Variants in MIS18BP1 observed in about 807,000 individuals in gnomAD.
MIS18BP1 encodes the protein MIS18 binding protein 1, also known as mis18-binding protein 1.
A neutral mutation model predicts 116.1 loss-of-function variants in MIS18BP1; 72 were observed. The observed-to-expected ratio is 0.62, with a 90% CI of 0.51 to 0.75. The LOEUF (loss-of-function observed/expected upper bound fraction) is 0.75, where lower values mean the gene tolerates loss of function less well. MIS18BP1 is among the 30% of genes least tolerant of loss of function. The probability of loss-of-function intolerance (pLI) is 0.00; values close to 1 mark genes in which losing one functional copy is unlikely to be tolerated. For synonymous variants in MIS18BP1, 386 were observed against 427.0 expected (o/e 0.90, Z 1.18); for missense variants, 1,363 against 1,303.2 (o/e 1.05, Z -0.71).
At chr14:45,219,339 A>C (rs1450250294) in intron 11 of MIS18BP1, among the ~76,000 whole-genome samples, 2 of 152,232 alleles carry the variant, frequency 1.3e-5, no homozygotes, top group Non-Finnish European at 2.9e-5. Context: ...GTCCTGATTT[A>C]TAAAGTCTGA....
intron 6 of MIS18BP1, among the ~76,000 whole-genome samples, chr14:45,235,544 C>T (rs1316788481): frequency 6.9e-6 from 1 of 144,874 alleles, no homozygotes; most frequent in Non-Finnish European, 1.5e-5. Context: ...GAGCCGAGAT[C>T]GTGCCACTGC....
In MIS18BP1 at chr14:45,242,134, C is replaced by T; in HGVS notation, c.1043G>A (p.Arg348Lys). 2.5e-6 allele frequency: 4 copies of T among 1,613,956 alleles called. No homozygotes were observed. The highest frequency in any genetic ancestry group is 3.4e-6 in the Non-Finnish European group (4 of 1,179,968). Reference protein sequence around the residue: ...DTCKIVLATPRLHITIPRRSK... With the variant: ...DTCKIVLATPKLHITIPRRSK... Reference sequence around the variant, plus strand: ...CCTCCGAGGTATTGTTATATGAAGTCTTGGTGTTGCAAGTACAATTTTACA... The same window carrying T: ...CCTCCGAGGTATTGTTATATGAAGTTTTGGTGTTGCAAGTACAATTTTACA... The change falls in exon 4 of 17, where the codon AGA (arginine) becomes AAA (lysine). Residue 348 changes from arginine to lysine, a missense_variant. Coordinates refer to ENST00000310806, the MANE Select transcript of MIS18BP1 (RefSeq NM_018353.5).
At chr14:45,249,790 G>A (rs754957144) in intron 1 of MIS18BP1, among the ~76,000 whole-genome samples, 1 of 152,164 alleles carries the variant, frequency 6.6e-6, no homozygotes, top group Non-Finnish European at 1.5e-5. Flanking sequence ...AGAATCACTT[G>A]AACCTGGGAG....
intron 7 of MIS18BP1, 107 bp downstream of exon 7, chr14:45,232,626 C>G: frequency 1.5e-6 from 1 of 677,562 alleles, no homozygotes. Context: ...GAAACCCCAT[C>G]TCTATTAAAA....
chr14:45,224,110 TTTTCAC>T lies in MIS18BP1; in HGVS notation c.2471_2476del (p.Ser824_Glu825del). 6.2e-7 allele frequency: 1 copy of T among 1,612,468 alleles called. No homozygotes were observed. Among genetic ancestry groups the T allele is most frequent in the Non-Finnish European group, 8.5e-7 (1 of 1,179,706 alleles). On this transcript the variant is annotated inframe_deletion, in exon 11 of 17. Coordinates refer to ENST00000310806, the MANE Select transcript of MIS18BP1 (RefSeq NM_018353.5). ...TTTCTTTTGTTTGATATAAAATTCA[TTTTCAC>T]TTTCTTCAGTTTCAGGTTCCAAAAT... is the stretch of plus-strand genomic sequence containing the variant.
intron 1 of MIS18BP1, among the ~76,000 whole-genome samples, chr14:45,248,895 A>G (rs1424222914): frequency 2.6e-5 from 4 of 152,042 alleles, no homozygotes; most frequent in African/African-American, 9.7e-5. Context: ...AAGTTATAAT[A>G]TTAGCCGTTC....
At chr14:45,213,153 C>A (rs1046774971) in intron 13 of MIS18BP1, among the ~76,000 whole-genome samples, 1 of 152,156 alleles carries the variant, frequency 6.6e-6, no homozygotes, top group African/African-American at 2.4e-5. Context: ...ATCCTCCTAC[C>A]TCGGCCTCCC....
intron 11 of MIS18BP1, among the ~76,000 whole-genome samples, chr14:45,223,505 A>G (rs546569441): frequency 6.6e-6 from 1 of 152,368 alleles, no homozygotes; most frequent in African/African-American, 2.4e-5. Context: ...TGAACCCGGG[A>G]GGCAGAGGTT....
In MIS18BP1 at chr14:45,247,350, T is replaced by C. The variant is rs1313414414; in HGVS notation, c.-64A>G. On this transcript the variant is annotated 5_prime_UTR_variant, in exon 2 of 17. Transcript: ENST00000310806. ...AATTCACTTAAGCGCAATTTTCAGA[T>C]AGAACTTCAGAAGGGATCCACAGAA... 2.9e-6 allele frequency: 4 copies of C among 1,396,238 alleles called. No homozygotes were observed. The South Asian group carries it at 5.8e-5, about 20-fold the overall frequency. 86.5% of individuals were successfully genotyped at this position (1,396,238 alleles called of 1,614,324 possible). A position where few individuals can be genotyped will look rare whatever the true frequency, so the allele number is the denominator to read the frequency against.
At chr14:45,223,512 G>C (rs1891031024) in intron 11 of MIS18BP1, among the ~76,000 whole-genome samples, 1 of 152,208 alleles carries the variant, frequency 6.6e-6, no homozygotes, top group South Asian at 2.1e-4. Context: ...GGGAGGCAGA[G>C]GTTGCAGTAA....
Position 45,208,621 on chromosome 14 carries a change from C to T in MIS18BP1, c.3152+1759G>A, listed in dbSNP as rs184667318. On this transcript the variant is annotated intron_variant, in intron 14 of 16. Transcript: ENST00000310806. ...TGCTGGGATTACAGGTGTGAGCTAC[C>T]GCGCCCGGCCACGGATGAATATTTT... Among the ~76,000 whole-genome samples, 14 of 152,080 alleles carry T rather than the reference C, an allele frequency of 9.2e-5. No homozygotes were observed. The East Asian group carries it at 2.1e-3, about 23-fold the overall frequency.
At chr14:45,229,348 TAAA>T (rs935782085) in intron 8 of MIS18BP1, among the ~76,000 whole-genome samples, 12 of 151,510 alleles carry the variant, frequency 7.9e-5, no homozygotes, top group African/African-American at 2.9e-4. Flanking sequence ...CTACAAGAAA[TAAA>T]AAACAAGCCA....
At chr14:45,235,991 A>C in intron 5 of MIS18BP1, 47 bp from the exon 6 acceptor site, 2 of 1,485,360 alleles carry the variant, frequency 1.3e-6, no homozygotes, top group Non-Finnish European at 1.8e-6. Flanking sequence ...TTCATATAGA[A>C]ATTTCTAACA....
chr14:45,220,986 C>G (rs1258180254), intron 11 of MIS18BP1, among the ~76,000 whole-genome samples: 1 of 151,550 alleles, frequency 6.6e-6, no homozygotes, highest in Non-Finnish European at 1.5e-5. Flanking sequence ...AATACAAAAA[C>G]TAGCTGGATA....
intron 2 of MIS18BP1, among the ~76,000 whole-genome samples, chr14:45,245,207 G>GTGA (rs1891691865): frequency 6.6e-6 from 1 of 152,014 alleles, no homozygotes; most frequent in South Asian, 2.1e-4. Flanking sequence ...TTGCTAAAAC[G>GTGA]AGCAGTAGAA....
Position 45,246,802 on chromosome 14 carries a change from T to G in MIS18BP1, c.485A>C (p.Tyr162Ser). The change falls in exon 2 of 17, where the codon TAC becomes TCC. Residue 162 changes from tyrosine (Y) to serine (S), a missense_variant. Coordinates refer to ENST00000310806, the MANE Select transcript of MIS18BP1 (RefSeq NM_018353.5). ...RVEKKKLQHT[Y>S]LCEEKENNKS... is the part of the protein sequence containing the mutation. ...GTTGTTTTCCTTTTCTTCACATAGG[T>G]AGGTATGCTGCAATTTTTTTTTTTC... The G allele has an allele frequency of 6.3e-7, 1 of 1,591,108 alleles. No individual in the cohort carries two copies. The highest frequency in any genetic ancestry group is 1.9e-5 in the Admixed American group (1 of 53,040).
At position 45,247,131 on chromosome 14, in the gene MIS18BP1, G is replaced by A. The variant is rs1352941461; in HGVS notation, c.156C>T (p.Ser52=). The A allele has an allele frequency of 1.3e-6, 2 of 1,597,720 alleles. No homozygotes were observed. Among genetic ancestry groups the A allele is most frequent in the Admixed American group, 1.7e-5 (1 of 58,888 alleles). Residue 52 remains serine, a synonymous_variant, in exon 2 of 17, where the codon TCC becomes TCT. Coordinates refer to ENST00000310806, the MANE Select transcript of MIS18BP1 (RefSeq NM_018353.5). The stretch of plus-strand genomic sequence containing the variant: ...TCTTTTTATGGTCATTCAATTTTAA[G>A]GAGGAGTTCTGATATTTCACCAAAT... ...VKDLVKYQNS[S]LKLNDHKKNQ...
chr14:45,220,593 G>A (rs1055035973), intron 11 of MIS18BP1, among the ~76,000 whole-genome samples: 49 of 152,212 alleles, frequency 3.2e-4, no homozygotes, highest in African/African-American at 1.1e-3. Context: ...ATCATATAGT[G>A]TATAACCCTT....
chr14:45,222,227 TTTAA>T (rs565449764), intron 11 of MIS18BP1, among the ~76,000 whole-genome samples: 19 of 152,364 alleles, frequency 1.2e-4, no homozygotes, highest in Admixed American at 1.2e-3. Flanking sequence ...GACCATTTAA[TTTAA>T]TTATGTTGGA....
Sources: allele counts gnomAD v4.1 joint callset (sites outside exome capture counted in the v4.1 genomes callset), GRCh38; gene constraint gnomAD v4.1.1; transcripts MANE v1.5; gene names NCBI Gene and HGNC (gene_info 2026-07-23, HGNC 2026-07-21).